MRPL30: variants seen among roughly 807,000 people sequenced by gnomAD.
MRPL30 encodes mitochondrial ribosomal protein L30.
MRPL30 carries 10 observed loss-of-function variants against 17.2 expected under a neutral mutation model. The observed-to-expected ratio is 0.58, with a 90% CI of 0.36 to 0.99. The LOEUF is 0.99. Ranked by LOEUF, MRPL30 falls within the 50% of genes least tolerant of loss-of-function variation. The probability of loss-of-function intolerance (pLI) is 0.01; values close to 1 mark genes in which losing one functional copy is unlikely to be tolerated. For synonymous variants in MRPL30, 61 were observed against 62.1 expected, an observed-to-expected ratio of 0.98 and a Z score of 0.08; for missense variants, 170 against 189.8, an observed-to-expected ratio of 0.90 and a Z score of 0.61.
At chr2:99,188,087 G>A in intron 2 of MRPL30, 90 bp from the exon 3 acceptor site, 2 of 911,552 alleles carry the variant, frequency 2.2e-6, no homozygotes, top group Non-Finnish European at 3.3e-6. Context: ...AGGGTAGGTT[G>A]GAACAGACTT....
At chr2:99,184,121 G>GTAA (rs1300131332) in intron 1 of MRPL30, among the ~76,000 whole-genome samples, 1 of 152,198 alleles carries the variant, frequency 6.6e-6, no homozygotes, top group Admixed American at 6.5e-5. Flanking sequence ...TTATAAGCCA[G>GTAA]TAATACTTTG....
At chr2:99,192,568 T>A (rs2105247668) in intron 3 of MRPL30, among the ~76,000 whole-genome samples, 1 of 152,336 alleles carries the variant, frequency 6.6e-6, no homozygotes, top group African/African-American at 2.4e-5. Context: ...CATGACATCA[T>A]TCCTTTTTAT....
Position 99,195,975 on chromosome 2 carries a change from G to A in MRPL30, c.*270G>A, listed in dbSNP as rs2093954606. Reference sequence around the variant, plus strand: ...CACATGCCTGTAACCCAGCTACTCGGGAGGCTGAAGCAGGAGAATCACTTG... The same window carrying A: ...CACATGCCTGTAACCCAGCTACTCGAGAGGCTGAAGCAGGAGAATCACTTG... On this transcript the variant is annotated 3_prime_UTR_variant, in exon 6 of 6. Coordinates refer to ENST00000338148, the MANE Select transcript of MRPL30 (RefSeq NM_145212.4). 6.2e-6 allele frequency: 2 copies of A among 321,572 alleles called. No homozygotes were observed. The highest frequency in any genetic ancestry group is 1.2e-5 in the Non-Finnish European group (2 of 173,848). The allele number at this position is 321,572 out of a possible 1,614,324, so 19.9% of individuals were successfully genotyped here.
chr2:99,188,104 C>T (rs959378557), intron 2 of MRPL30, 73 bp from the exon 3 acceptor site: 1 of 1,130,600 alleles, frequency 8.8e-7, no homozygotes, highest in Non-Finnish European at 1.3e-6. Context: ...ACTTCTGTTA[C>T]CTAAAGATTG....
chr2:99,189,317 C>T (rs947933016), intron 3 of MRPL30, among the ~76,000 whole-genome samples: 3 of 152,168 alleles, frequency 2.0e-5, no homozygotes, highest in African/African-American at 7.2e-5. Flanking sequence ...AACTCCTAAC[C>T]CCTGGCAAGC....
At chr2:99,195,048 A>C in intron 4 of MRPL30, 68 bp from the exon 5 acceptor site, 1 of 1,445,336 alleles carries the variant, frequency 6.9e-7, no homozygotes, top group Non-Finnish European at 9.3e-7. Flanking sequence ...TCAATTTAAC[A>C]TTTTACTGAA....
At chr2:99,191,320 A>T (rs996763221) in intron 3 of MRPL30, among the ~76,000 whole-genome samples, 3 of 152,066 alleles carry the variant, frequency 2.0e-5, no homozygotes, top group Non-Finnish European at 2.9e-5. Context: ...CTATCGTCTG[A>T]ACTTATTCCT....
At position 99,184,826 on chromosome 2, in the gene MRPL30, C is replaced by T. The variant is rs113269295; in HGVS notation, c.-27-1351C>T. On this transcript the variant is annotated intron_variant, in intron 1 of 5. Coordinates refer to ENST00000338148, the MANE Select transcript of MRPL30 (RefSeq NM_145212.4). ...CTGGCTGTCTTCAGGAGATGTCTTG[C>T]GTTGATTCTCACAGTTCCGTTGCTT... Among the ~76,000 whole-genome samples the T allele has an allele frequency of 4.5e-3, 680 of 152,268 alleles. 2 individuals are homozygous for T. Among genetic ancestry groups the T allele is most frequent in the Non-Finnish European group, 7.8e-3 (530 of 68,028 alleles).
At chr2:99,189,901 C>G (rs2093941545) in intron 3 of MRPL30, among the ~76,000 whole-genome samples, 1 of 151,140 alleles carries the variant, frequency 6.6e-6, no homozygotes, top group Non-Finnish European at 1.5e-5. Context: ...AACTGAAACT[C>G]TATATCCACT....
At position 99,182,718 on chromosome 2, in the gene MRPL30, C is replaced by A. The variant is rs115389666; in HGVS notation, c.-28+1469C>A. 4.8e-3 allele frequency among the ~76,000 whole-genome samples: 733 copies of A among 152,306 alleles called. 4 individuals are homozygous for A. The highest frequency in any genetic ancestry group is 0.014 in the Middle Eastern group (4 of 294). ...AAACTTGTAACTTTTGACTATCACACCTTCAGAAGTCTGTAAATATTTAAA... is the reference window on the plus strand; with the variant it reads ...AAACTTGTAACTTTTGACTATCACAACTTCAGAAGTCTGTAAATATTTAAA... On this transcript the variant is annotated intron_variant, in intron 1 of 5. Coordinates refer to ENST00000338148, the MANE Select transcript of MRPL30 (RefSeq NM_145212.4).
chr2:99,186,192 A>G lies in MRPL30; in HGVS notation c.-12A>G, dbSNP rs200477614. 39 of 1,613,658 alleles carry G rather than the reference A, an allele frequency of 2.4e-5. No homozygotes were observed. Among genetic ancestry groups the G allele is most frequent in the Middle Eastern group, 1.6e-4 (1 of 6,082 alleles). On this transcript the variant is annotated 5_prime_UTR_variant, in exon 2 of 6. Transcript: ENST00000338148. ...CTTCCCACAGCCTCTAAAGAGAGCA[A>G]TCACTACACTTATGGCTGGGATTTT...
intron 3 of MRPL30, among the ~76,000 whole-genome samples, chr2:99,189,331 G>A (rs1266810259): frequency 2.0e-5 from 3 of 152,148 alleles, no homozygotes; most frequent in Non-Finnish European, 4.4e-5. Flanking sequence ...GGCAAGCACT[G>A]ATCTTTTTAT....
rs2093933860 is a variant in MRPL30, at chr2:99,186,250, T to G, written c.47T>G (p.Leu16Arg). 1 of 1,613,878 alleles carries G rather than the reference T, an allele frequency of 6.2e-7. No individual in the cohort carries two copies. The highest frequency in any genetic ancestry group is 8.5e-7 in the Non-Finnish European group (1 of 1,179,876). The change falls in exon 2 of 6, where the codon CTA (leucine) becomes CGA (arginine). Residue 16 changes from leucine to arginine, a missense_variant. Leu to Arg is a moderately radical substitution (Grantham distance 102). Coordinates refer to ENST00000338148, the MANE Select transcript of MRPL30 (RefSeq NM_145212.4). ...GTAGTTCAATGGCCCCCAGGCAGACTACAGGTAAGTGTTTCTTTTCAAGAA... is the reference window on the plus strand; with the variant it reads ...GTAGTTCAATGGCCCCCAGGCAGACGACAGGTAAGTGTTTCTTTTCAAGAA... ...RLVVQWPPGR[L>R]QTVTKGVESL...
In MRPL30 at chr2:99,195,642, C is replaced by T. The variant is rs2093953911; in HGVS notation, c.423C>T (p.Ser141=). ...ACATGTCTAACACGTGCCTCAAAAG[C>T]ACTGGGGAGTTAGTAGTGCAGTGGC... ...EENMSNTCLK[S]TGELVVQWHL... The change falls in exon 6 of 6, where the codon AGC becomes AGT. Residue 141 remains serine (S), a synonymous_variant. Transcript: ENST00000338148. 6.2e-7 allele frequency: 1 copy of T among 1,613,750 alleles called. No homozygotes were observed.
Position 99,198,106 on chromosome 2 carries a change from C to G in MRPL30, c.*2401C>G, listed in dbSNP as rs1297833770. Among the ~76,000 whole-genome samples the G allele has an allele frequency of 6.6e-6, 1 of 152,184 alleles. No homozygotes were observed. Among genetic ancestry groups the G allele is most frequent in the East Asian group, 1.9e-4 (1 of 5,200 alleles). Reference sequence around the variant, plus strand: ...GAATATTTAGAAATAAAAGTGTCTACAAGAAGAAAAGTCTTTAGTGAAAAT... The same window carrying G: ...GAATATTTAGAAATAAAAGTGTCTAGAAGAAGAAAAGTCTTTAGTGAAAAT... On this transcript the variant is annotated 3_prime_UTR_variant, in exon 6 of 6. Transcript: ENST00000338148.
intron 3 of MRPL30, among the ~76,000 whole-genome samples, chr2:99,193,134 A>C (rs1357272936): frequency 6.6e-6 from 1 of 152,220 alleles, no homozygotes; most frequent in Non-Finnish European, 1.5e-5. Flanking sequence ...CAAGAAAAAA[A>C]CAAACAATCC....
intron 1 of MRPL30, among the ~76,000 whole-genome samples, chr2:99,182,952 G>A (rs558378841): frequency 2.0e-5 from 3 of 152,312 alleles, no homozygotes; most frequent in South Asian, 2.1e-4. Flanking sequence ...AGATAAGCAC[G>A]ATAGAAAGCA....
At chr2:99,195,216 TA>T (rs773781061) in intron 5 of MRPL30, 27 bp downstream of exon 5, 1 of 1,557,672 alleles carries the variant, frequency 6.4e-7, no homozygotes, top group Non-Finnish European at 8.8e-7. Context: ...CAGCTCTTTT[TA>T]AAATGTATTG....
chr2:99,194,570 T>C (rs929796971), intron 3 of MRPL30, among the ~76,000 whole-genome samples, 181 bp from the exon 4 acceptor site: 2 of 152,150 alleles, frequency 1.3e-5, no homozygotes, highest in Non-Finnish European at 2.9e-5. Flanking sequence ...CAGGTTAAAC[T>C]CCATCTATCT....
Sources: gnomAD v4.1 joint callset for allele counts (sites outside exome capture counted in the v4.1 genomes callset) on GRCh38, gnomAD v4.1.1 for gene constraint, MANE v1.5 for transcripts, NCBI Gene and HGNC (gene_info 2026-07-23, HGNC 2026-07-21) for gene names.